DNAI7: variants seen among roughly 807,000 people sequenced by gnomAD.
DNAI7 encodes dynein axonemal intermediate chain 7.
DNAI7 carries 78 observed loss-of-function variants against 86.6 expected under a neutral mutation model. That is an observed-to-expected ratio of 0.90 (90% CI 0.75 to 1.09). The LOEUF is 1.09. Among genes scored for constraint, DNAI7 ranks in the 50% least tolerant of loss-of-function variants. The pLI is 0.00. For synonymous variants in DNAI7, 274 were observed against 273.0 expected (o/e 1.00, Z -0.04); for missense variants, 753 against 810.2 (o/e 0.93, Z 0.86).
rs537572674 is a variant in DNAI7 at position 25,115,227 on chromosome 12, T to C, written c.1397-357A>G. ...ATACAGTTCTTTCCTCCTACAATAC[T>C]GTTCCCTAATCTTTCAGAGAAACTC... On this transcript the variant is annotated intron_variant, in intron 12 of 15. Transcript: ENST00000395987. Among the ~76,000 whole-genome samples the C allele has an allele frequency of 3.8e-4, 58 of 152,376 alleles. 1 individual carries two copies. The highest frequency in any genetic ancestry group is 1.4e-3 in the African/African-American group (57 of 41,598).
intron 12 of DNAI7, among the ~76,000 whole-genome samples, chr12:25,117,458 G>A (rs1940348512): frequency 6.6e-6 from 1 of 152,008 alleles, no homozygotes; most frequent in African/African-American, 2.4e-5. Flanking sequence ...TTTGTTCCCA[G>A]CCTATCACCA....
intron 14 of DNAI7, among the ~76,000 whole-genome samples, chr12:25,111,058 ATAT>A (rs1326860357): frequency 6.6e-6 from 1 of 152,176 alleles, no homozygotes; most frequent in Non-Finnish European, 1.5e-5. Flanking sequence ...TTATTTCTAA[ATAT>A]TATATAAATA....
At chr12:25,121,605 A>G (rs1592237700) in intron 11 of DNAI7, 148 bp downstream of exon 11, 1 of 575,372 alleles carries the variant, frequency 1.7e-6, no homozygotes, top group East Asian at 3.4e-5. Context: ...CAAATTTTCA[A>G]TACCAATACA....
chr12:25,184,789 T>A (rs1359614437), intron 2 of DNAI7, among the ~76,000 whole-genome samples: 2 of 152,104 alleles, frequency 1.3e-5, no homozygotes, highest in Non-Finnish European at 2.9e-5. Flanking sequence ...ATTTTTGCTA[T>A]GAAGACCAAA....
intron 7 of DNAI7, among the ~76,000 whole-genome samples, chr12:25,148,168 C>T (rs1945100707): frequency 6.6e-6 from 1 of 152,078 alleles, no homozygotes; most frequent in Non-Finnish European, 1.5e-5. Context: ...TCTTGTAGAA[C>T]TGTCCCATAT....
At chr12:25,172,468 G>C (rs917935767) in intron 2 of DNAI7, among the ~76,000 whole-genome samples, 4 of 152,216 alleles carry the variant, frequency 2.6e-5, no homozygotes, top group African/African-American at 9.6e-5. Context: ...CAAACAAATG[G>C]AAACACATCT....
At chr12:25,182,255 G>A (rs1384541941) in intron 2 of DNAI7, among the ~76,000 whole-genome samples, 1 of 149,514 alleles carries the variant, frequency 6.7e-6, no homozygotes, top group Non-Finnish European at 1.5e-5. Context: ...GCTGAGGCAG[G>A]AGAATCACTT....
chr12:25,143,905 C>T (rs1198887996), intron 9 of DNAI7, among the ~76,000 whole-genome samples: 1 of 152,110 alleles, frequency 6.6e-6, no homozygotes, highest in African/African-American at 2.4e-5. Flanking sequence ...CAAAAGCTAT[C>T]TCTAAAGATG....
chr12:25,194,112 G>A (rs112939365), intron 1 of DNAI7, among the ~76,000 whole-genome samples: 3,055 of 152,176 alleles, frequency 0.02, 84 homozygotes, highest in African/African-American at 0.07. Flanking sequence ...GAGCCACCGC[G>A]CCAGGCCTCC....
chr12:25,194,110 G>T (rs960174923), intron 1 of DNAI7, among the ~76,000 whole-genome samples: 1 of 151,130 alleles, frequency 6.6e-6, no homozygotes, highest in Non-Finnish European at 1.5e-5. Context: ...GTGAGCCACC[G>T]CGCCAGGCCT....
At chr12:25,176,856 G>C (rs1044234162) in intron 2 of DNAI7, among the ~76,000 whole-genome samples, 3 of 144,228 alleles carry the variant, frequency 2.1e-5, no homozygotes, top group Non-Finnish European at 3.0e-5. Flanking sequence ...TTTTTTAATT[G>C]TGACAAAGTA....
At chr12:25,133,511 C>T (rs578228278) in intron 9 of DNAI7, among the ~76,000 whole-genome samples, 1 of 152,274 alleles carries the variant, frequency 6.6e-6, no homozygotes, top group African/African-American at 2.4e-5. Context: ...GGGGATTCTT[C>T]GCTCTAAGCA....
chr12:25,119,056 A>C lies in DNAI7; in HGVS notation c.1396+89T>G. The C allele has an allele frequency of 3.0e-6, 3 of 995,480 alleles. No individual in the cohort carries two copies. The South Asian group carries it at 6.1e-5, about 20-fold the overall frequency. 61.7% of individuals were successfully genotyped at this position (995,480 alleles called of 1,614,324 possible). A position where few individuals can be genotyped will look rare whatever the true frequency, so the allele number is the denominator to read the frequency against. On this transcript the variant is annotated intron_variant, in intron 12 of 15. Transcript: ENST00000395987. The stretch of plus-strand genomic sequence containing the variant: ...TTGGCATAGAAATATGTAAGATAGT[A>C]AGCTCAGTTAATACACTACACTTTC...
At chr12:25,120,315 A>AC (rs1565642792) in intron 11 of DNAI7, among the ~76,000 whole-genome samples, 3,021 of 124,222 alleles carry the variant, frequency 0.024, 97 homozygotes, top group African/African-American at 0.091. Flanking sequence ...AGGCAGGAAG[A>AC]GGGAGAGAGA....
At chr12:25,138,607 T>C (rs551995445) in intron 9 of DNAI7, among the ~76,000 whole-genome samples, 2 of 152,302 alleles carry the variant, frequency 1.3e-5, no homozygotes, top group South Asian at 4.1e-4. Context: ...TAAACAATCA[T>C]TGGGTCAACA....
chr12:25,193,892 G>A (rs1211252562), intron 1 of DNAI7, among the ~76,000 whole-genome samples: 2 of 151,506 alleles, frequency 1.3e-5, no homozygotes, highest in Admixed American at 1.3e-4. Context: ...CACAATCTCG[G>A]CTCACTGCAA....
intron 2 of DNAI7, among the ~76,000 whole-genome samples, chr12:25,182,605 T>TACATACACACACACAC (rs1949624690): frequency 7.6e-6 from 1 of 132,098 alleles, no homozygotes; most frequent in South Asian, 2.6e-4. Flanking sequence ...TGAGACTGTC[T>TACATACACACACACAC]ACACACACAC....
intron 2 of DNAI7, among the ~76,000 whole-genome samples, chr12:25,167,794 T>C (rs1947658574): frequency 1.3e-5 from 2 of 152,114 alleles, no homozygotes; most frequent in Non-Finnish European, 2.9e-5. Flanking sequence ...CGCACTTACT[T>C]AAAACACCTT....
At chr12:25,134,513 T>C (rs967516389) in intron 9 of DNAI7, among the ~76,000 whole-genome samples, 1 of 151,822 alleles carries the variant, frequency 6.6e-6, no homozygotes, top group Admixed American at 6.6e-5. Context: ...CATGCCACCA[T>C]GCCCAGCTAA....
Sources: gnomAD v4.1 joint callset for allele counts (sites outside exome capture counted in the v4.1 genomes callset) on GRCh38, gnomAD v4.1.1 for gene constraint, MANE v1.5 for transcripts, NCBI Gene and HGNC (gene_info 2026-07-23, HGNC 2026-07-21) for gene names.